The following MTF2 variants were observed in gnomAD, a reference collection of about 807,000 sequenced individuals.
MTF2 encodes metal-response element-binding transcription factor 2.
MTF2 carries 11 observed loss-of-function variants against 79.5 expected under a neutral mutation model. The observed-to-expected ratio is 0.14, with a 90% CI of 0.09 to 0.23. The LOEUF (loss-of-function observed/expected upper bound fraction) is 0.23. Ranked by LOEUF, MTF2 falls within the 10% of genes least tolerant of loss-of-function variation. The pLI, the probability that MTF2 is intolerant of heterozygous loss-of-function variation, is 1.00. For missense variants in MTF2, 486 were observed against 711.2 expected, an observed-to-expected ratio of 0.68 and a Z score of 3.60; for synonymous variants, 208 against 232.8, an observed-to-expected ratio of 0.89 and a Z score of 0.97.
intron 1 of MTF2, among the ~76,000 whole-genome samples, chr1:93,090,134 G>A (rs1655015237): frequency 6.6e-6 from 1 of 152,050 alleles, no homozygotes; most frequent in Non-Finnish European, 1.5e-5. Context: ...CCGCCATCAC[G>A]CCCGGCTAAT....
At chr1:93,114,815 T>C in intron 4 of MTF2, 32 bp downstream of exon 4, 1 of 1,503,532 alleles carries the variant, frequency 6.7e-7, no homozygotes, top group Non-Finnish European at 9.1e-7. Flanking sequence ...TCTTGTTACA[T>C]ACTGAATGAC....
chr1:93,119,694 C>T (rs1656393623), intron 8 of MTF2: 2 of 265,648 alleles, frequency 7.5e-6, no homozygotes, highest in Non-Finnish European at 7.0e-6. Context: ...GAATACCATA[C>T]AGTAGAAGAG....
intron 1 of MTF2, among the ~76,000 whole-genome samples, chr1:93,103,963 T>G (rs1655654030): frequency 6.6e-6 from 1 of 152,132 alleles, no homozygotes; most frequent in African/African-American, 2.4e-5. Context: ...TATTTTTTGG[T>G]TTTTGTTACA....
chr1:93,086,431 G>A lies in MTF2; in HGVS notation c.5+6900G>A, dbSNP rs540857885. 2.7e-4 allele frequency among the ~76,000 whole-genome samples: 41 copies of A among 151,516 alleles called. No individual in the cohort carries two copies. The South Asian group carries it at 3.4e-3, about 12-fold the overall frequency. On this transcript the variant is annotated intron_variant, in intron 1 of 14. Coordinates refer to ENST00000370298, the MANE Select transcript of MTF2 (RefSeq NM_007358.4). ...TGAGGTTCACTTGAACCCAGGAGGC[G>A]GGGGCTGCAGTGAGCTGAGATTGCA...
chr1:93,086,496 C>CAA (rs10648696), intron 1 of MTF2, among the ~76,000 whole-genome samples: 13,541 of 97,302 alleles, frequency 0.14, 1,310 homozygotes, highest in East Asian at 0.26. Context: ...GAGACTGTCT[C>CAA]AAAAAAAAAA....
At chr1:93,104,675 CT>C (rs1329581725) in intron 1 of MTF2, among the ~76,000 whole-genome samples, 35 of 65,670 alleles carry the variant, frequency 5.3e-4, no homozygotes, top group Non-Finnish European at 1.1e-3. Context: ...AAGACTCCAT[CT>C]CAAAAAAAAA....
rs552590090 is a variant in MTF2 at position 93,120,342 on chromosome 1, T to C, written c.798-207T>C. 1.5e-5 allele frequency: 5 copies of C among 343,006 alleles called. No homozygotes were observed. The South Asian group carries it at 2.4e-4, about 16-fold the overall frequency. 21.2% of individuals were successfully genotyped at this position (343,006 alleles called of 1,614,324 possible). A position where few individuals can be genotyped will look rare whatever the true frequency, so the allele number is the denominator to read the frequency against. ...AAAAAGAAGTAATTCATATATCTTC[T>C]AGTTTATAGTTGCTATTCAGAATAA... On this transcript the variant is annotated intron_variant, in intron 8 of 14. Transcript: ENST00000370298.
At chr1:93,130,608 T>G (rs945101468) in intron 11 of MTF2, among the ~76,000 whole-genome samples, 1 of 152,016 alleles carries the variant, frequency 6.6e-6, no homozygotes, top group Non-Finnish European at 1.5e-5. Flanking sequence ...GGATGCTGTT[T>G]TGAGAATGGA....
intron 1 of MTF2, among the ~76,000 whole-genome samples, chr1:93,092,239 C>A (rs1465294017): frequency 6.6e-6 from 1 of 151,864 alleles, no homozygotes; most frequent in African/African-American, 2.4e-5. Context: ...TTTCACATAC[C>A]AACTATTAAC....
chr1:93,113,467 A>G (rs143883476), intron 3 of MTF2, among the ~76,000 whole-genome samples: 146 of 152,252 alleles, frequency 9.6e-4, no homozygotes, highest in African/African-American at 3.3e-3. Context: ...TACAAAAGAC[A>G]GATTTCTCCC....
At chr1:93,121,601 C>T in intron 9 of MTF2, 2 of 976,268 alleles carry the variant, frequency 2.0e-6, no homozygotes, top group East Asian at 1.1e-4. Context: ...TCAGGGAGAA[C>T]ATAATGCATG....
intron 11 of MTF2, among the ~76,000 whole-genome samples, chr1:93,129,754 A>G (rs1248877570): frequency 1.3e-5 from 2 of 152,104 alleles, no homozygotes; most frequent in Non-Finnish European, 2.9e-5. Context: ...TGATTGATTC[A>G]TTCATTCAGC....
chr1:93,103,234 C>T (rs1386544377), intron 1 of MTF2, among the ~76,000 whole-genome samples: 4 of 150,796 alleles, frequency 2.7e-5, no homozygotes, highest in African/African-American at 7.3e-5. Flanking sequence ...GAAAAATATA[C>T]GTAGTATTTT....
At chr1:93,133,172 A>G (rs1647214195) in intron 11 of MTF2, among the ~76,000 whole-genome samples, 1 of 152,108 alleles carries the variant, frequency 6.6e-6, no homozygotes, top group Non-Finnish European at 1.5e-5. Flanking sequence ...TCTGGGCTTC[A>G]TTCTCTTTCT....
intron 9 of MTF2, 114 bp downstream of exon 9, chr1:93,120,786 T>C: frequency 6.7e-7 from 1 of 1,488,658 alleles, no homozygotes; most frequent in Non-Finnish European, 8.8e-7. Flanking sequence ...AATAGAATTT[T>C]ATTTTTAGTT....
Position 93,116,588 on chromosome 1 carries a change from T to C in MTF2, c.632+970T>C, listed in dbSNP as rs1214004355. Among the ~76,000 whole-genome samples the C allele has an allele frequency of 1.4e-4, 21 of 150,878 alleles. 1 individual carries two copies. Among genetic ancestry groups the C allele is most frequent in the African/African-American group, 4.9e-4 (20 of 40,710 alleles). ...GCATGGTTATAGCTCACTCCAGCATTGAACTGGGCTCAAGCAATCCTCCCA... is the reference window on the plus strand; with the variant it reads ...GCATGGTTATAGCTCACTCCAGCATCGAACTGGGCTCAAGCAATCCTCCCA... On this transcript the variant is annotated intron_variant, in intron 6 of 14. Transcript: ENST00000370298.
In MTF2 at chr1:93,137,046, T is replaced by C. The variant is rs774597117; in HGVS notation, c.*19T>C. On this transcript the variant is annotated 3_prime_UTR_variant, in exon 15 of 15. Coordinates refer to ENST00000370298, the MANE Select transcript of MTF2 (RefSeq NM_007358.4). The stretch of plus-strand genomic sequence containing the variant: ...ATCCTGACTGTAGGACTGAACATTA[T>C]GTTCACTGCACTCTGATTTTCTGTA... 2 of 1,592,134 alleles carry C rather than the reference T, an allele frequency of 1.3e-6. No homozygotes were observed. The highest frequency in any genetic ancestry group is 1.7e-6 in the Non-Finnish European group (2 of 1,161,648).
intron 8 of MTF2, 128 bp from the exon 9 acceptor site, chr1:93,120,421 A>T: frequency 1.3e-6 from 1 of 744,708 alleles, no homozygotes. Flanking sequence ...GATTTATTGT[A>T]TTGTGAATAT....
intron 1 of MTF2, among the ~76,000 whole-genome samples, chr1:93,087,084 A>G (rs775392281): frequency 8.5e-5 from 13 of 152,160 alleles, no homozygotes; most frequent in Non-Finnish European, 1.8e-4. Context: ...ACCTGTTACG[A>G]GGTCAGATGT....
Sources: gnomAD v4.1 joint callset for allele counts (sites outside exome capture counted in the v4.1 genomes callset) on GRCh38, gnomAD v4.1.1 for gene constraint, MANE v1.5 for transcripts, NCBI Gene and HGNC (gene_info 2026-07-23, HGNC 2026-07-21) for gene names.